Variants in HIGD1C observed in about 807,000 individuals in gnomAD.
HIGD1C encodes HIG1 domain family member 1C.
A neutral mutation model predicts 13.1 loss-of-function variants in HIGD1C; 11 were observed. That is an observed-to-expected ratio of 0.84 (90% CI 0.53 to 1.39). The LOEUF (loss-of-function observed/expected upper bound fraction) is 1.39. Among genes scored for constraint, HIGD1C ranks in the 40% most tolerant of loss-of-function variants. HIGD1C has a pLI of 0.00. For synonymous variants in HIGD1C, 36 were observed against 37.7 expected (o/e 0.95, Z 0.17); for missense variants, 110 against 112.0 (o/e 0.98, Z 0.08).
intron 2 of HIGD1C, among the ~76,000 whole-genome samples, chr12:50,962,140 C>G (rs1211587892): frequency 6.6e-6 from 1 of 152,194 alleles, no homozygotes; most frequent in Non-Finnish European, 1.5e-5. Flanking sequence ...GATCCCACCA[C>G]TTTGGGATGC....
At chr12:50,946,483 C>T in the HIGD1C span, among the ~76,000 whole-genome samples, 5 of 152,104 alleles carry the variant, frequency 3.3e-5, no homozygotes, top group African/African-American at 9.7e-5. Flanking sequence ...TGAAAAAATG[C>T]TCATCATCAC....
chr12:50,937,897 C>G, the HIGD1C span, among the ~76,000 whole-genome samples: 1 of 152,156 alleles, frequency 6.6e-6, no homozygotes, highest in Non-Finnish European at 1.5e-5. Flanking sequence ...GGAGGAAGTG[C>G]ATGCTGATGG....
At chr12:50,963,179 G>C (rs1939404700) in intron 2 of HIGD1C, among the ~76,000 whole-genome samples, 1 of 151,732 alleles carries the variant, frequency 6.6e-6, no homozygotes, top group African/African-American at 2.4e-5. Context: ...AGACAAGCCT[G>C]GTCAACATGG....
At chr12:50,970,513 C>T (rs1468734388), downstream of HIGD1C, 18 of 1,505,750 alleles carry the variant, frequency 1.2e-5, no homozygotes, top group Non-Finnish European at 1.4e-5. Context: ...ATGAAGCTTA[C>T]ATGCTGGAAG....
intron 1 of HIGD1C, among the ~76,000 whole-genome samples, chr12:50,956,863 G>A (rs547456415): frequency 6.6e-6 from 1 of 152,132 alleles, no homozygotes; most frequent in Non-Finnish European, 1.5e-5. Context: ...TCCAGAGCAG[G>A]AAGCATGTTC....
the HIGD1C span, among the ~76,000 whole-genome samples, chr12:50,940,292 A>G: frequency 0.19 from 29,010 of 152,120 alleles, 2,863 homozygotes; most frequent in South Asian, 0.27. Context: ...TATAAAAGAA[A>G]CACCATCTAA....
downstream of HIGD1C, among the ~76,000 whole-genome samples, chr12:50,971,304 GA>G (rs1939754041): frequency 6.6e-6 from 1 of 152,172 alleles, no homozygotes; most frequent in Non-Finnish European, 1.5e-5. Context: ...CATCAGAGGA[GA>G]ATGGTCATGT....
At chr12:50,959,704 G>A (rs11169633) in intron 1 of HIGD1C, among the ~76,000 whole-genome samples, 29,490 of 151,962 alleles carry the variant, frequency 0.19, 3,010 homozygotes, top group South Asian at 0.27. Flanking sequence ...CTGGAGTGCA[G>A]TAGCATTATC....
At chr12:50,962,687 ACTCCAT>A (rs1353175012) in intron 2 of HIGD1C, among the ~76,000 whole-genome samples, 2 of 152,052 alleles carry the variant, frequency 1.3e-5, no homozygotes, top group African/African-American at 4.8e-5. Context: ...TCAGAGCAAG[ACTCCAT>A]CTCAAAAAAA....
chr12:50,970,435 T>C lies in HIGD1C; in HGVS notation c.230-7T>C, dbSNP rs1247210726. 3 of 1,415,168 alleles carry C rather than the reference T, an allele frequency of 2.1e-6. No individual in the cohort carries two copies. Among genetic ancestry groups the C allele is most frequent in the Non-Finnish European group, 2.0e-6 (2 of 1,025,550 alleles). The allele number at this position is 1,415,168 out of a possible 1,614,324, so 87.7% of individuals were successfully genotyped here. On this transcript the variant is annotated splice_region_variant and splice_polypyrimidine_tract_variant and intron_variant, in intron 2 of 2. Coordinates refer to ENST00000398455, the Ensembl canonical transcript of HIGD1C. ...TACTCAATTGATATACATCCTTCTT[T>C]TTCTAGGTGTTCTCTATTCTATGTA...
chr12:50,953,239 A>C (rs539157881), upstream of HIGD1C, among the ~76,000 whole-genome samples: 1 of 152,352 alleles, frequency 6.6e-6, no homozygotes, highest in African/African-American at 2.4e-5. Context: ...GACAGACAGC[A>C]GGTGGCGGGG....
At chr12:50,948,635 C>A in the HIGD1C span, among the ~76,000 whole-genome samples, 1 of 150,500 alleles carries the variant, frequency 6.6e-6, no homozygotes, top group Non-Finnish European at 1.5e-5. Flanking sequence ...TTTGGGAGGC[C>A]GAGGAGGGTG....
chr12:50,964,551 T>C (rs1245933237), intron 2 of HIGD1C, among the ~76,000 whole-genome samples: 1 of 152,164 alleles, frequency 6.6e-6, no homozygotes, highest in Admixed American at 6.5e-5. Context: ...GAAGAGATGA[T>C]CAAGGTCCCT....
chr12:50,962,527 C>T (rs1029139772), intron 2 of HIGD1C, among the ~76,000 whole-genome samples: 1 of 151,888 alleles, frequency 6.6e-6, no homozygotes, highest in Non-Finnish European at 1.5e-5. Flanking sequence ...TGGTGAAACC[C>T]TATCTCTACT....
At position 50,954,110 on chromosome 12, in the gene HIGD1C, CT is replaced by C. The variant is rs1240570932; in HGVS notation, c.94+19del. On this transcript the variant is annotated intron_variant, in intron 1 of 2. Coordinates refer to ENST00000398455, the Ensembl canonical transcript of HIGD1C. ...CCCTATAGGTAAGTACAAGCCTTGA[CT>C]GGATGCAGAAAACTGTAATAACACA... 1 of 1,442,518 alleles carries C rather than the reference CT, an allele frequency of 6.9e-7. No individual in the cohort carries two copies. The allele number at this position is 1,442,518 out of a possible 1,614,324, so 89.4% of individuals were successfully genotyped here. A position where few individuals can be genotyped will look rare whatever the true frequency, so the allele number is the denominator to read the frequency against.
the HIGD1C span, among the ~76,000 whole-genome samples, chr12:50,944,163 C>T: frequency 6.6e-6 from 1 of 152,108 alleles, no homozygotes; most frequent in Admixed American, 6.5e-5. Flanking sequence ...GATCCCTTCT[C>T]CTGACCTAAG....
the HIGD1C span, among the ~76,000 whole-genome samples, chr12:50,939,412 T>C: frequency 6.6e-6 from 1 of 152,204 alleles, no homozygotes; most frequent in South Asian, 2.1e-4. Flanking sequence ...CCTCCCTAAG[T>C]GCTGGGATTA....
chr12:50,933,955 A>G, the HIGD1C span, among the ~76,000 whole-genome samples: 1 of 152,204 alleles, frequency 6.6e-6, no homozygotes, highest in African/African-American at 2.4e-5. Flanking sequence ...ATCATGCCTC[A>G]TTACCCTATA....
chr12:50,959,642 G>A (rs536713917), intron 1 of HIGD1C, among the ~76,000 whole-genome samples: 2 of 150,052 alleles, frequency 1.3e-5, no homozygotes, highest in African/African-American at 4.8e-5. Context: ...TGTCGTTGTT[G>A]GTTTTGTTTG....
Sources: gnomAD v4.1 joint callset for allele counts (sites outside exome capture counted in the v4.1 genomes callset) on GRCh38, gnomAD v4.1.1 for gene constraint, MANE v1.5 for transcripts, NCBI Gene and HGNC (gene_info 2026-07-23, HGNC 2026-07-21) for gene names.